The following AFAP1 variants were observed in gnomAD, a reference collection of about 807,000 sequenced individuals.
AFAP1 encodes the protein actin filament-associated protein 1.
AFAP1 carries 75 observed loss-of-function variants against 93.9 expected under a neutral mutation model. That is an observed-to-expected ratio of 0.80 (90% CI 0.66 to 0.97). The LOEUF is 0.97. AFAP1 is among the 50% of genes least tolerant of loss of function. AFAP1 has a pLI of 0.00. For synonymous variants in AFAP1, 517 were observed against 430.7 expected (o/e 1.20, Z -2.48); for missense variants, 1,201 against 1,050.8 (o/e 1.14, Z -1.98).
intron 1 of AFAP1, among the ~76,000 whole-genome samples, chr4:7,887,454 ATC>A (rs747507016): frequency 3.3e-5 from 5 of 152,222 alleles, no homozygotes; most frequent in Non-Finnish European, 5.9e-5. Flanking sequence ...AATTTTCAAA[ATC>A]TCTGATTTTC....
At chr4:7,863,088 T>A (rs533782162) in intron 3 of AFAP1, among the ~76,000 whole-genome samples, 1 of 152,216 alleles carries the variant, frequency 6.6e-6, no homozygotes. Context: ...ATCAGTCTGA[T>A]AGCTGCACAG....
At chr4:7,937,463 G>C (rs1721454450) in intron 1 of AFAP1, among the ~76,000 whole-genome samples, 1 of 152,178 alleles carries the variant, frequency 6.6e-6, no homozygotes, top group Admixed American at 6.5e-5. Flanking sequence ...GAAAATTCCA[G>C]AGCCGGACGT....
intron 1 of AFAP1, among the ~76,000 whole-genome samples, chr4:7,920,912 A>G (rs1157056317): frequency 2.0e-5 from 3 of 152,090 alleles, no homozygotes; most frequent in Non-Finnish European, 2.9e-5. Context: ...GAGAGGGACT[A>G]AATAGTACAT....
chr4:7,873,117 C>T (rs1281183416), intron 1 of AFAP1, among the ~76,000 whole-genome samples: 5 of 149,480 alleles, frequency 3.3e-5, no homozygotes, highest in Admixed American at 6.7e-5. Context: ...GTGGCATGTG[C>T]CTGTAATCCC....
intron 3 of AFAP1, among the ~76,000 whole-genome samples, chr4:7,859,234 C>T (rs1398597027): frequency 6.6e-6 from 1 of 152,174 alleles, no homozygotes; most frequent in African/African-American, 2.4e-5. Context: ...GCCTGGCCAA[C>T]ATGATGAAAC....
Position 7,838,691 on chromosome 4 carries a change from A to T in AFAP1, c.559T>A (p.Ser187Thr). 1.9e-6 allele frequency: 3 copies of T among 1,614,050 alleles called. No homozygotes were observed. Among genetic ancestry groups the T allele is most frequent in the Non-Finnish European group, 2.5e-6 (3 of 1,179,982 alleles). The change falls in exon 6 of 18, where the codon TCC becomes ACC. Residue 187 changes from serine to threonine, a missense_variant. Physicochemically the swap from Ser to Thr is moderately conservative, Grantham distance 58. Coordinates refer to ENST00000420658, the MANE Select transcript of AFAP1 (RefSeq NM_001134647.2). ...KDTKLLCYKS[S>T]KDQQPQMELP... ...TCCATCTGAGGCTGCTGGTCCTTGG[A>T]ACTTTTATAGCACTGCATTCAACAC...
chr4:7,913,014 ATTT>A (rs1419300490), intron 1 of AFAP1, among the ~76,000 whole-genome samples: 4 of 152,074 alleles, frequency 2.6e-5, no homozygotes, highest in African/African-American at 9.6e-5. Context: ...TGCCCAGTTA[ATTT>A]TTTTAGTTTT....
At chr4:7,787,467 G>C (rs1717408721) in intron 11 of AFAP1, among the ~76,000 whole-genome samples, 4 of 152,178 alleles carry the variant, frequency 2.6e-5, no homozygotes, top group Admixed American at 2.0e-4. Context: ...GTGATATCCT[G>C]GACCTGTGAC....
chr4:7,768,120 C>T (rs1405509430), intron 17 of AFAP1, among the ~76,000 whole-genome samples: 1 of 152,228 alleles, frequency 6.6e-6, no homozygotes, highest in African/African-American at 2.4e-5. Flanking sequence ...CCCACAGAGC[C>T]GGTACAGGAG....
intron 11 of AFAP1, among the ~76,000 whole-genome samples, chr4:7,792,450 AT>A (rs1021912198): frequency 3.3e-5 from 5 of 152,182 alleles, no homozygotes; most frequent in African/African-American, 1.2e-4. Flanking sequence ...CAGAATTCTA[AT>A]TTCTAAGGAA....
At chr4:7,905,618 G>C (rs1213979982) in intron 1 of AFAP1, among the ~76,000 whole-genome samples, 1 of 152,162 alleles carries the variant, frequency 6.6e-6, no homozygotes, top group Non-Finnish European at 1.5e-5. Context: ...TCATTTTCCA[G>C]ATTTAATGGC....
intron 6 of AFAP1, among the ~76,000 whole-genome samples, chr4:7,832,056 A>T (rs1223437464): frequency 6.6e-6 from 1 of 152,172 alleles, no homozygotes; most frequent in African/African-American, 2.4e-5. Flanking sequence ...TCAGGCTGTC[A>T]GCTGACAAAT....
At chr4:7,783,783 ACAGCAT>A (rs1269017730) in intron 12 of AFAP1, among the ~76,000 whole-genome samples, 1 of 152,232 alleles carries the variant, frequency 6.6e-6, no homozygotes, top group East Asian at 1.9e-4. Flanking sequence ...CAGGGTGAAG[ACAGCAT>A]CCGGTTCACA....
At chr4:7,895,351 T>C (rs1315360003) in intron 1 of AFAP1, among the ~76,000 whole-genome samples, 3 of 152,190 alleles carry the variant, frequency 2.0e-5, no homozygotes, top group Non-Finnish European at 4.4e-5. Context: ...AAGTCTCCAA[T>C]AAATTACTAC....
intron 1 of AFAP1, among the ~76,000 whole-genome samples, chr4:7,923,885 G>A (rs1720570259): frequency 6.6e-6 from 1 of 152,234 alleles, no homozygotes; most frequent in Middle Eastern, 3.4e-3. Context: ...TGGGGGTGAG[G>A]GCTCCAGTAC....
rs202167635 is a variant in AFAP1 at position 7,855,517 on chromosome 4, C to G, written c.283G>C (p.Glu95Gln). The G allele has an allele frequency of 5.8e-5, 94 of 1,613,836 alleles. No individual in the cohort carries two copies. Among genetic ancestry groups the G allele is most frequent in the Non-Finnish European group, 1.3e-5 (15 of 1,179,968 alleles). ...PTSSLPEGYY[E>Q]EAVPLSPGKA... Reference sequence around the variant, plus strand: ...CCGGGGCTCAGCGGCACAGCTTCCTCATAATAACCTTCTGGGAGGGAGGAT... The same window carrying G: ...CCGGGGCTCAGCGGCACAGCTTCCTGATAATAACCTTCTGGGAGGGAGGAT... Residue 95 changes from glutamate to glutamine, a missense_variant, in exon 4 of 18, where the codon GAG (glutamate) becomes CAG (glutamine). By Grantham distance (29) the Glu-to-Gln change is conservative (BLOSUM62 2). Transcript: ENST00000420658.
rs772299488 is a variant in AFAP1 at position 7,786,322 on chromosome 4, G to T, written c.1413-11C>A. The T allele has an allele frequency of 1.2e-6, 2 of 1,606,430 alleles. No individual in the cohort carries two copies. Among genetic ancestry groups the T allele is most frequent in the South Asian group, 1.1e-5 (1 of 90,884 alleles). On this transcript the variant is annotated splice_polypyrimidine_tract_variant and intron_variant, in intron 11 of 17. Coordinates refer to ENST00000420658, the MANE Select transcript of AFAP1 (RefSeq NM_001134647.2). ...CGCCTGTTCATGAAACTGAAAGAAA[G>T]GAAATGCGTTAAAATCCATAACCTG...
chr4:7,915,122 G>A lies in AFAP1; in HGVS notation c.-3+24534C>T, dbSNP rs572803054. On this transcript the variant is annotated intron_variant, in intron 1 of 17. Transcript: ENST00000420658. ...TGGTTTCAAACTCCTGACATCCGGT[G>A]ATCTGCCCGCCTCGGCCTCCCAAAG... Among the ~76,000 whole-genome samples the A allele has an allele frequency of 4.6e-5, 7 of 152,306 alleles. No homozygotes were observed. The East Asian group carries it at 5.8e-4, about 13-fold the overall frequency.
At chr4:7,815,581 T>C (rs1476430807) in intron 8 of AFAP1, among the ~76,000 whole-genome samples, 2 of 152,132 alleles carry the variant, frequency 1.3e-5, no homozygotes, top group African/African-American at 4.8e-5. Context: ...CTCAAGATCA[T>C]GGGGCTCAGC....
Sources: gnomAD v4.1 joint callset for allele counts (sites outside exome capture counted in the v4.1 genomes callset) on GRCh38, gnomAD v4.1.1 for gene constraint, MANE v1.5 for transcripts, NCBI Gene and HGNC (gene_info 2026-07-23, HGNC 2026-07-21) for gene names.